BCL2: variants seen among roughly 807,000 people sequenced by gnomAD.
BCL2 encodes the protein BCL2 apoptosis regulator, also known as apoptosis regulator Bcl-2.
In BCL2, 1 loss-of-function variant was observed where a neutral mutation model predicts 14.2. The ratio of observed to expected loss-of-function variants is 0.07; its 90% CI spans 0.02 to 0.33. The LOEUF is 0.33. Among genes scored for constraint, BCL2 ranks in the 10% least tolerant of loss-of-function variants. The pLI, the probability that BCL2 is intolerant of heterozygous loss-of-function variation, is 0.99. For synonymous variants in BCL2, 151 were observed against 137.2 expected (o/e 1.10, Z -0.70); for missense variants, 247 against 305.9 (o/e 0.81, Z 1.44).
At chr18:63,317,699 A>T (rs949589426) in intron 2 of BCL2, 6 of 1,085,500 alleles carry the variant, frequency 5.5e-6, no homozygotes, top group Admixed American at 5.1e-5. Flanking sequence ...TCTGGTTCAT[A>T]AGCAGTCCCT....
intron 2 of BCL2, among the ~76,000 whole-genome samples, chr18:63,155,297 C>T (rs1205351573): frequency 6.6e-6 from 1 of 152,216 alleles, no homozygotes; most frequent in Non-Finnish European, 1.5e-5. Context: ...GTCTCCTGGC[C>T]TCCAGGGACA....
chr18:63,272,986 C>G (rs769278026), intron 2 of BCL2, among the ~76,000 whole-genome samples: 68 of 150,580 alleles, frequency 4.5e-4, no homozygotes, highest in Non-Finnish European at 9.3e-4. Context: ...TGTTTACAAC[C>G]CAGTCTAAAA....
At chr18:63,236,166 C>T (rs908756911) in intron 2 of BCL2, among the ~76,000 whole-genome samples, 7 of 152,186 alleles carry the variant, frequency 4.6e-5, no homozygotes, top group Non-Finnish European at 8.8e-5. Context: ...GTAAGACGTG[C>T]CTTTGCTCCT....
intron 2 of BCL2, among the ~76,000 whole-genome samples, chr18:63,198,499 C>A (rs1909529169): frequency 1.5e-5 from 2 of 137,260 alleles, no homozygotes; most frequent in South Asian, 5.1e-4. Flanking sequence ...CACAGACACA[C>A]ATTGACACAC....
Position 63,318,839 on chromosome 18 carries a change from C to T in BCL2, c.-173G>A, listed in dbSNP as rs1476601690. 2.1e-6 allele frequency: 3 copies of T among 1,405,038 alleles called. No homozygotes were observed. The highest frequency in any genetic ancestry group is 2.8e-6 in the Non-Finnish European group (3 of 1,078,060). 87.0% of individuals were successfully genotyped at this position (1,405,038 alleles called of 1,614,324 possible). A position where few individuals can be genotyped will look rare whatever the true frequency, so the allele number is the denominator to read the frequency against. On this transcript the variant is annotated 5_prime_UTR_variant, in exon 2 of 3. Transcript: ENST00000333681. The surrounding 1 kb of genome is among the most constrained non-coding windows in gnomAD (Gnocchi z 7.4). Reference sequence around the variant, plus strand: ...GCGGAACACTTGATTCTGGTGTTTCCCCCTTGGCATGAGATGCAGGAAATT... The same window carrying T: ...GCGGAACACTTGATTCTGGTGTTTCTCCCTTGGCATGAGATGCAGGAAATT...
At chr18:63,262,906 T>C (rs1396788770) in intron 2 of BCL2, among the ~76,000 whole-genome samples, 3 of 152,234 alleles carry the variant, frequency 2.0e-5, no homozygotes, top group African/African-American at 7.2e-5. Context: ...AAGGAGAGAT[T>C]GTTGTGCCAG....
chr18:63,251,850 C>T (rs1427587859), intron 2 of BCL2, among the ~76,000 whole-genome samples: 2 of 151,778 alleles, frequency 1.3e-5, no homozygotes, highest in African/African-American at 2.4e-5. Context: ...AAGCACCTGC[C>T]ACCACGCCCA....
intron 2 of BCL2, chr18:63,314,593 A>G (rs1279746654): frequency 6.6e-6 from 1 of 152,224 alleles, no homozygotes; most frequent in African/African-American, 2.4e-5. Flanking sequence ...CTCCTAAGAC[A>G]TGAAGCTGAA....
chr18:63,150,879 T>A (rs1264722273), intron 2 of BCL2, among the ~76,000 whole-genome samples: 1 of 152,058 alleles, frequency 6.6e-6, no homozygotes, highest in Non-Finnish European at 1.5e-5. Context: ...GTCTCCAACC[T>A]CCACTGGGCT....
chr18:63,174,728 G>A (rs948719603), intron 2 of BCL2, among the ~76,000 whole-genome samples: 1 of 150,242 alleles, frequency 6.7e-6, no homozygotes, highest in Non-Finnish European at 1.5e-5. Flanking sequence ...GCTGAGGCAG[G>A]AGAATTGCTT....
intron 2 of BCL2, among the ~76,000 whole-genome samples, chr18:63,246,479 CAG>C (rs1911154018): frequency 6.6e-6 from 1 of 152,122 alleles, no homozygotes; most frequent in Admixed American, 6.5e-5. Flanking sequence ...GAGAAAATAA[CAG>C]AACTTGTGCA....
chr18:63,194,779 C>T (rs1034828183), intron 2 of BCL2, among the ~76,000 whole-genome samples: 2 of 152,168 alleles, frequency 1.3e-5, no homozygotes, highest in Non-Finnish European at 2.9e-5. Context: ...ATAAACAAAG[C>T]ATTAATGGGA....
chr18:63,154,482 C>G (rs1262157549), intron 2 of BCL2, among the ~76,000 whole-genome samples: 1 of 152,180 alleles, frequency 6.6e-6, no homozygotes, highest in Non-Finnish European at 1.5e-5. Context: ...CTGACCCACG[C>G]TTCCAGACTC....
At chr18:63,281,431 G>A (rs1011072228) in intron 2 of BCL2, among the ~76,000 whole-genome samples, 1 of 152,108 alleles carries the variant, frequency 6.6e-6, no homozygotes, top group African/African-American at 2.4e-5. Context: ...TTGGGAGGCT[G>A]AGACAGGTGG....
At chr18:63,217,892 A>G (rs1375606723) in intron 2 of BCL2, among the ~76,000 whole-genome samples, 1 of 152,226 alleles carries the variant, frequency 6.6e-6, no homozygotes, top group Non-Finnish European at 1.5e-5. Context: ...AATGGCAAAC[A>G]ATAGGTTAGT....
intron 2 of BCL2, among the ~76,000 whole-genome samples, chr18:63,210,574 A>T (rs1319037554): frequency 1.3e-5 from 2 of 152,220 alleles, no homozygotes; most frequent in African/African-American, 4.8e-5. Flanking sequence ...AAAAATCTGC[A>T]TTGCTCTTGT....
At chr18:63,203,385 G>A (rs2144666283) in intron 2 of BCL2, among the ~76,000 whole-genome samples, 1 of 152,272 alleles carries the variant, frequency 6.6e-6, no homozygotes, top group African/African-American at 2.4e-5. Context: ...CTTCAGGGAG[G>A]TTCCCCACCT....
chr18:63,257,157 A>T (rs36089071), intron 2 of BCL2, among the ~76,000 whole-genome samples: 39,659 of 152,124 alleles, frequency 0.26, 5,359 homozygotes, highest in Middle Eastern at 0.37. Flanking sequence ...GTCTTTAAAA[A>T]AAAGAAATGA....
intron 2 of BCL2, among the ~76,000 whole-genome samples, chr18:63,213,547 A>AACACACACACACACAC (rs57058660): frequency 1.4e-5 from 2 of 146,240 alleles, no homozygotes; most frequent in Non-Finnish European, 3.0e-5. Flanking sequence ...CACACACATA[A>AACACACACACACACAC]ACACACACAC....
Sources: allele counts gnomAD v4.1 joint callset (sites outside exome capture counted in the v4.1 genomes callset), GRCh38; gene constraint gnomAD v4.1.1; non-coding constraint Gnocchi (gnomAD v3.1); transcripts MANE v1.5; gene names NCBI Gene and HGNC (gene_info 2026-07-23, HGNC 2026-07-21).